The following MYO1F variants were observed in gnomAD, a reference collection of about 807,000 sequenced individuals.
MYO1F encodes myosin IF.
A neutral mutation model predicts 146.6 loss-of-function variants in MYO1F; 60 were observed. That is an observed-to-expected ratio of 0.41 (90% CI 0.33 to 0.51). MYO1F has a LOEUF of 0.51. Among genes scored for constraint, MYO1F ranks in the 20% least tolerant of loss-of-function variants. The pLI, the probability that MYO1F is intolerant of heterozygous loss-of-function variation, is 0.25. For missense variants in MYO1F, 1,274 were observed against 1,534.3 expected (o/e 0.83, Z 2.83); for synonymous variants, 602 against 602.1 (o/e 1.00, Z 0.00).
At chr19:8,574,678 T>C (rs1263925471) in intron 1 of MYO1F, among the ~76,000 whole-genome samples, 1 of 131,536 alleles carries the variant, frequency 7.6e-6, no homozygotes, top group Non-Finnish European at 1.6e-5. Context: ...TCTCTTTCTT[T>C]CTTTCTTCCT....
At chr19:8,555,525 T>A (rs1369911567) in intron 2 of MYO1F, 134 bp downstream of exon 2, 3 of 1,237,164 alleles carry the variant, frequency 2.4e-6, no homozygotes, top group East Asian at 4.9e-5. Context: ...GCTGTCACTC[T>A]GTCTGTCCTC....
rs1973219625 is a variant in MYO1F, at chr19:8,544,036, CGGTGCTGGTGGTGGTGGT to C, written c.1524+243_1524+260del. On this transcript the variant is annotated intron_variant, in intron 14 of 27. Coordinates refer to ENST00000644032, the MANE Select transcript of MYO1F (RefSeq NM_012335.4). ...GCGGTGGCGGTGGCGGTGGCGGTGG[CGGTGCTGGTGGTGGTGGT>C]GGTGGTGGTGGTGGTGTCCAGACAA... The C allele has an allele frequency of 2.2e-5, 6 of 270,304 alleles. No homozygotes were observed. The African/African-American group carries it at 3.4e-4, about 15-fold the overall frequency. The allele number at this position is 270,304 out of a possible 1,614,324, so 16.7% of individuals were successfully genotyped here. A position where few individuals can be genotyped will look rare whatever the true frequency, so the allele number is the denominator to read the frequency against.
intron 22 of MYO1F, 34 bp from the exon 23 acceptor site, chr19:8,526,969 CACAGGTGAGGGCG>C: frequency 6.2e-7 from 1 of 1,611,586 alleles, no homozygotes; most frequent in Non-Finnish European, 8.5e-7. Context: ...TCAGGTGGGA[CACAGGTGAGGGCG>C]ACAGGTGAGA....
chr19:8,522,824 C>A lies in MYO1F; in HGVS notation c.2860G>T (p.Asp954Tyr), dbSNP rs201832487. The A allele has an allele frequency of 5.2e-3, 8,107 of 1,568,088 alleles. 28 individuals carry two copies. Among genetic ancestry groups the A allele is most frequent in the Non-Finnish European group, 6.5e-3 (7,545 of 1,160,678 alleles). ...GCAGAGGGGGGCACCCCATTGCGAT[C>A]CATGCCTGTGGCAGGAGCAAGGATG... ...RAAPAPPRGM[D>Y]RNGVPPSARG... Residue 954 changes from aspartate to tyrosine, a missense_variant, in exon 26 of 28, where the codon GAT becomes TAT. By Grantham distance (160) the Asp-to-Tyr change is radical. Transcript: ENST00000644032.
intron 8 of MYO1F, chr19:8,551,309 C>A (rs1973597923): frequency 3.9e-6 from 1 of 254,342 alleles, no homozygotes. Context: ...GCCTCGGCCT[C>A]CCAAAGTGCT....
chr19:8,542,567 C>T (rs1973024526), intron 14 of MYO1F, among the ~76,000 whole-genome samples: 1 of 150,822 alleles, frequency 6.6e-6, no homozygotes, highest in South Asian at 2.1e-4. Flanking sequence ...GCTGAGGGAA[C>T]ATGGGAGCTC....
intron 1 of MYO1F, among the ~76,000 whole-genome samples, chr19:8,568,445 ATT>A (rs1322649726): frequency 5.7e-4 from 86 of 150,740 alleles, no homozygotes; most frequent in African/African-American, 1.6e-3. Flanking sequence ...AAAAAAAAAA[ATT>A]AATCACAGGC....
At chr19:8,570,013 C>T (rs1478586267) in intron 1 of MYO1F, among the ~76,000 whole-genome samples, 1 of 152,060 alleles carries the variant, frequency 6.6e-6, no homozygotes, top group African/African-American at 2.4e-5. Flanking sequence ...TCAAGCGAAT[C>T]CTCCTGCCTC....
chr19:8,526,104 G>A (rs1382600984), intron 24 of MYO1F, among the ~76,000 whole-genome samples: 1 of 152,116 alleles, frequency 6.6e-6, no homozygotes, highest in African/African-American at 2.4e-5. Context: ...CGAGGCGGGT[G>A]GAGCATGAGG....
Position 8,539,956 on chromosome 19 carries a change from G to C in MYO1F, c.1683C>G (p.Ser561=), listed in dbSNP as rs1972888303. Residue 561 remains serine (S), a synonymous_variant, in exon 16 of 28, where the codon TCC becomes TCG. Transcript: ENST00000644032. ...TACACCCCAGGCCCACCTTGATCTTGGAGCCGGCGGTGCTGGGGCGCCCCT... is the reference window on the plus strand; with the variant it reads ...TACACCCCAGGCCCACCTTGATCTTCGAGCCGGCGGTGCTGGGGCGCCCCT... The part of the protein sequence containing the change: ...DKKGRPSTAG[S]KIKKQANDLV... The C allele has an allele frequency of 6.2e-7, 1 of 1,612,502 alleles. No individual in the cohort carries two copies. Among genetic ancestry groups the C allele is most frequent in the Non-Finnish European group, 8.5e-7 (1 of 1,179,270 alleles).
At chr19:8,576,562 A>G (rs1313674579) in intron 1 of MYO1F, 1 of 155,380 alleles carries the variant, frequency 6.4e-6, no homozygotes, top group African/African-American at 2.4e-5. Flanking sequence ...ACTGCTAGGA[A>G]TAGCGCCATG....
In MYO1F at chr19:8,555,802, G is replaced by T; in HGVS notation, c.4-6C>A. 2 of 1,610,730 alleles carry T rather than the reference G, an allele frequency of 1.2e-6. No homozygotes were observed. Among genetic ancestry groups the T allele is most frequent in the South Asian group, 1.1e-5 (1 of 91,058 alleles). ...TGGAAGCGCTCCTTGCTGCCCTGGG[G>T]GGTGAGAGGGGGGTCGGGGTGAGCC... On this transcript the variant is annotated splice_region_variant and splice_polypyrimidine_tract_variant and intron_variant, in intron 1 of 27. Transcript: ENST00000644032.
At chr19:8,539,461 T>C (rs1194271501) in intron 16 of MYO1F, among the ~76,000 whole-genome samples, 1 of 151,124 alleles carries the variant, frequency 6.6e-6, no homozygotes, top group East Asian at 1.9e-4. Flanking sequence ...CTGGGTGTGG[T>C]GGCGCATGCT....
In MYO1F at chr19:8,527,320, G is replaced by A. The variant is rs753049755; in HGVS notation, c.2474+18C>T. 2.5e-6 allele frequency: 4 copies of A among 1,613,792 alleles called. No homozygotes were observed. The East Asian group carries it at 8.9e-5, about 36-fold the overall frequency. On this transcript the variant is annotated intron_variant, in intron 22 of 27. Coordinates refer to ENST00000644032, the MANE Select transcript of MYO1F (RefSeq NM_012335.4). Reference sequence around the variant, plus strand: ...ACAGGTGAGAGTGACTGTGCGGCAGGTAAGGACCTGGCTTCACCTGAGGGA... The same window carrying A: ...ACAGGTGAGAGTGACTGTGCGGCAGATAAGGACCTGGCTTCACCTGAGGGA...
Position 8,526,376 on chromosome 19 carries a change from C to A in MYO1F, c.2770+77G>T. ...CTCTCTCTCTCTCTCTGTAGACACT[C>A]CCCTTCCTGGCCTTCGTCCACTCTT... On this transcript the variant is annotated intron_variant, in intron 24 of 27. Coordinates refer to ENST00000644032, the MANE Select transcript of MYO1F (RefSeq NM_012335.4). The A allele has an allele frequency of 5.2e-6, 8 of 1,529,408 alleles. No individual in the cohort carries two copies. In the South Asian group the frequency reaches 9.6e-5, roughly 18 times the overall value. 94.7% of individuals were successfully genotyped at this position (1,529,408 alleles called of 1,614,324 possible).
At chr19:8,567,257 G>A (rs180907585) in intron 1 of MYO1F, among the ~76,000 whole-genome samples, 100 of 151,882 alleles carry the variant, frequency 6.6e-4, no homozygotes, top group African/African-American at 2.3e-3. Context: ...GTAGAGATGG[G>A]GGTTTCACCA....
At chr19:8,557,347 A>C (rs1973904582) in intron 1 of MYO1F, among the ~76,000 whole-genome samples, 1 of 152,176 alleles carries the variant, frequency 6.6e-6, no homozygotes, top group South Asian at 2.1e-4. Flanking sequence ...CCCAGGCTGG[A>C]GTGCAGTGGT....
At chr19:8,551,998 G>A (rs916169021) in intron 7 of MYO1F, 35 bp downstream of exon 7, 3 of 1,613,840 alleles carry the variant, frequency 1.9e-6, no homozygotes, top group African/African-American at 2.7e-5. Context: ...TGGGCTCCAG[G>A]TGGTGCTCCC....
rs761606416 is a variant in MYO1F at position 8,539,965 on chromosome 19, G to A, written c.1674C>T (p.Thr558=). ...LDGDKKGRPS[T]AGSKIKKQAN... The stretch of plus-strand genomic sequence containing the variant: ...GGCCCACCTTGATCTTGGAGCCGGC[G>A]GTGCTGGGGCGCCCCTTCTTGTCTC... Residue 558 remains threonine, a synonymous_variant, in exon 16 of 28, where the codon ACC becomes ACT. Transcript: ENST00000644032. 39 of 1,612,452 alleles carry A rather than the reference G, an allele frequency of 2.4e-5. No individual in the cohort carries two copies. The highest frequency in any genetic ancestry group is 2.7e-5 in the Non-Finnish European group (32 of 1,179,216).
Sources: gnomAD v4.1 joint callset for allele counts (sites outside exome capture counted in the v4.1 genomes callset) on GRCh38, gnomAD v4.1.1 for gene constraint, MANE v1.5 for transcripts, NCBI Gene and HGNC (gene_info 2026-07-23, HGNC 2026-07-21) for gene names.